The following CAB39L variants were observed in gnomAD, a reference collection of about 807,000 sequenced individuals.
The protein encoded by CAB39L is calcium-binding protein 39-like.
Under a neutral mutation model 39.1 loss-of-function variants are expected in CAB39L, and 23 were observed. The ratio of observed to expected loss-of-function variants is 0.59; its 90% CI spans 0.42 to 0.83. The LOEUF is 0.83. Ranked by LOEUF, CAB39L falls within the 40% of genes least tolerant of loss-of-function variation. The pLI is 0.00. For synonymous variants in CAB39L, 126 were observed against 137.2 expected, an observed-to-expected ratio of 0.92 and a Z score of 0.57; for missense variants, 366 against 391.9, an observed-to-expected ratio of 0.93 and a Z score of 0.56.
Position 49,415,095 on chromosome 13 carries a change from G to A in CAB39L, c.-32+18223C>T, listed in dbSNP as rs764643243. On this transcript the variant is annotated intron_variant, in intron 3 of 10. Coordinates refer to ENST00000409308, the MANE Select transcript of CAB39L (RefSeq NM_001079670.3). The stretch of plus-strand genomic sequence containing the variant: ...GCCTGTGGTCCTAGCTACTTGGGAC[G>A]CTGAGGTGGGAGAATCACTGAAGCC... Among the ~76,000 whole-genome samples, 32 of 152,202 alleles carry A rather than the reference G, an allele frequency of 2.1e-4. 1 individual carries two copies. Among genetic ancestry groups the A allele is most frequent in the Non-Finnish European group, 4.1e-4 (28 of 68,022 alleles).
At chr13:49,365,490 T>C (rs943256891) in intron 5 of CAB39L, among the ~76,000 whole-genome samples, 1 of 152,092 alleles carries the variant, frequency 6.6e-6, no homozygotes, top group Admixed American at 6.6e-5. Flanking sequence ...CAGTGAAGGG[T>C]ACAATCAACA....
At chr13:49,328,918 T>A (rs1333719265) in intron 10 of CAB39L, among the ~76,000 whole-genome samples, 1 of 152,220 alleles carries the variant, frequency 6.6e-6, no homozygotes, top group African/African-American at 2.4e-5. Context: ...AGACAGCCTC[T>A]TATTTTCTCT....
chr13:49,358,915 T>A (rs370076070), intron 6 of CAB39L, among the ~76,000 whole-genome samples: 9 of 152,238 alleles, frequency 5.9e-5, no homozygotes, highest in African/African-American at 2.2e-4. Flanking sequence ...TTTATTGATA[T>A]ATCTGATTTT....
chr13:49,386,717 G>A (rs770046283), intron 3 of CAB39L, among the ~76,000 whole-genome samples: 1 of 151,778 alleles, frequency 6.6e-6, no homozygotes, highest in Non-Finnish European at 1.5e-5. Context: ...CCAGCACCCA[G>A]ACCCCCTGCA....
At chr13:49,412,355 C>G (rs528848171) in intron 3 of CAB39L, among the ~76,000 whole-genome samples, 29 of 106,188 alleles carry the variant, frequency 2.7e-4, no homozygotes, top group African/African-American at 1.0e-3. Flanking sequence ...TAAAATTTAC[C>G]TTTGCCATTT....
At chr13:49,317,144 C>T (rs1215608922) in intron 10 of CAB39L, among the ~76,000 whole-genome samples, 2 of 152,092 alleles carry the variant, frequency 1.3e-5, no homozygotes, top group Admixed American at 6.6e-5. Context: ...ACAAGTGTAC[C>T]GCATTAGCAG....
chr13:49,352,547 A>G (rs1047006741), intron 6 of CAB39L, among the ~76,000 whole-genome samples: 1 of 152,012 alleles, frequency 6.6e-6, no homozygotes, highest in African/African-American at 2.4e-5. Context: ...TATGCTCAGG[A>G]GTTCGAGACC....
chr13:49,393,654 A>G (rs906251659), intron 3 of CAB39L, among the ~76,000 whole-genome samples: 12 of 151,884 alleles, frequency 7.9e-5, no homozygotes, highest in African/African-American at 2.7e-4. Context: ...TGTGGAGAAA[A>G]CCTACATAAT....
rs1956099125 is a variant in CAB39L, at chr13:49,377,346, A to G, written c.112-215T>C. Among the ~76,000 whole-genome samples the G allele has an allele frequency of 5.4e-5, 2 of 37,226 alleles. 1 individual carries two copies. Among genetic ancestry groups the G allele is most frequent in the Non-Finnish European group, 1.1e-4 (2 of 17,408 alleles). 24.4% of individuals were successfully genotyped at this position (37,226 alleles called of 152,430 possible). A position where few individuals can be genotyped will look rare whatever the true frequency, so the allele number is the denominator to read the frequency against. ...TTGCATTTACATATCAAAGGTTGCC[A>G]GCCTGGCTCTAAGAGCCGGGGCTAT... On this transcript the variant is annotated intron_variant, in intron 4 of 10. Coordinates refer to ENST00000409308, the MANE Select transcript of CAB39L (RefSeq NM_001079670.3).
chr13:49,440,837 T>A (rs1180202411), intron 1 of CAB39L, among the ~76,000 whole-genome samples: 3 of 104,620 alleles, frequency 2.9e-5, no homozygotes, highest in Non-Finnish European at 4.8e-5. Flanking sequence ...GCTACTGATT[T>A]TTGTACAGAG....
At chr13:49,363,579 G>GAGA (rs1183089286) in intron 5 of CAB39L, among the ~76,000 whole-genome samples, 1 of 151,996 alleles carries the variant, frequency 6.6e-6, no homozygotes, top group Non-Finnish European at 1.5e-5. Context: ...TAGAAAGGAA[G>GAGA]AGAAGAAGGA....
intron 5 of CAB39L, among the ~76,000 whole-genome samples, chr13:49,373,894 TGAGAAGGA>T (rs1454654314): frequency 1.3e-4 from 20 of 152,172 alleles, no homozygotes; most frequent in Non-Finnish European, 2.5e-4. Flanking sequence ...ACTTTAGGCT[TGAGAAGGA>T]GAGTTGCTGC....
chr13:49,383,837 C>A (rs888739763), intron 3 of CAB39L, among the ~76,000 whole-genome samples: 22 of 152,070 alleles, frequency 1.4e-4, no homozygotes, highest in Non-Finnish European at 2.6e-4. Flanking sequence ...AAAGCAAAAA[C>A]AAAATGAAAA....
intron 4 of CAB39L, among the ~76,000 whole-genome samples, chr13:49,378,774 GC>G (rs1956177667): frequency 5.5e-5 from 2 of 36,432 alleles, no homozygotes; most frequent in African/African-American, 1.6e-4. Flanking sequence ...GGGGGGGTCA[GC>G]CCCCCCGCCC....
intron 3 of CAB39L, among the ~76,000 whole-genome samples, chr13:49,422,229 G>T (rs1006709108): frequency 2.0e-5 from 3 of 152,046 alleles, no homozygotes; most frequent in Non-Finnish European, 4.4e-5. Context: ...ATAAAGGAAA[G>T]AGTTAAGTAT....
At chr13:49,364,052 C>T (rs938924466) in intron 5 of CAB39L, among the ~76,000 whole-genome samples, 3 of 151,982 alleles carry the variant, frequency 2.0e-5, no homozygotes, top group Non-Finnish European at 4.4e-5. Context: ...GATTTCAAGA[C>T]AAAAACTGTA....
At chr13:49,423,996 A>G (rs1957209665) in intron 3 of CAB39L, among the ~76,000 whole-genome samples, 1 of 152,204 alleles carries the variant, frequency 6.6e-6, no homozygotes, top group Non-Finnish European at 1.5e-5. Context: ...AAAAATCTCT[A>G]AAAATAGAAT....
intron 5 of CAB39L, among the ~76,000 whole-genome samples, chr13:49,364,417 A>G (rs1955717848): frequency 6.6e-6 from 1 of 152,248 alleles, no homozygotes; most frequent in Admixed American, 6.5e-5. Context: ...CTGTTATTCA[A>G]CATAATATTG....
At chr13:49,344,610 C>T (rs1955093139) in intron 7 of CAB39L, among the ~76,000 whole-genome samples, 1 of 151,148 alleles carries the variant, frequency 6.6e-6, no homozygotes, top group Admixed American at 6.6e-5. Context: ...CAAGCTCTGC[C>T]TCCCGGGTTC....
Sources: allele counts gnomAD v4.1 joint callset (sites outside exome capture counted in the v4.1 genomes callset), GRCh38; gene constraint gnomAD v4.1.1; transcripts MANE v1.5; gene names NCBI Gene and HGNC (gene_info 2026-07-23, HGNC 2026-07-21).